Variants in RGPD3 observed in about 807,000 individuals in gnomAD.
The protein encoded by RGPD3 is ranBP2-like and GRIP domain-containing protein 3.
Under a neutral mutation model 154.5 loss-of-function variants are expected in RGPD3, and 62 were observed. The ratio of observed to expected loss-of-function variants is 0.40; its 90% CI spans 0.33 to 0.50. RGPD3 has a LOEUF of 0.50. RGPD3 is among the 20% of genes least tolerant of loss of function. The probability of loss-of-function intolerance (pLI) is 0.59; values close to 1 mark genes in which losing one functional copy is unlikely to be tolerated. For synonymous variants in RGPD3, 308 were observed against 607.0 expected (o/e 0.51, Z 7.24); for missense variants, 919 against 1,716.8 (o/e 0.54, Z 8.21).
At chr2:106,446,264 TAAAA>T (rs1239130246) in intron 7 of RGPD3, among the ~76,000 whole-genome samples, 1 of 73,406 alleles carries the variant, frequency 1.4e-5, no homozygotes, top group Non-Finnish European at 2.7e-5. Context: ...GCAGGCTCAT[TAAAA>T]AAAAAAAAAA....
In RGPD3 at chr2:106,468,267, C is replaced by T. The variant is rs753864926; in HGVS notation, c.22G>A (p.Gly8Arg). The change falls in exon 1 of 23, where the codon GGG becomes AGG. Residue 8 changes from glycine (G) to arginine (R), a missense_variant. By Grantham distance (125) the Gly-to-Arg change is moderately radical. Transcript: ENST00000409886. The stretch of plus-strand genomic sequence containing the variant: ...TGCACCGAGGCGACGTACCGCTCCC[C>T]GTAGGCCTTGCTGCAACTCATCGCG... MSCSKAY[G>R]ERYVASVQGS... 50 of 1,607,594 alleles carry T rather than the reference C, an allele frequency of 3.1e-5. No homozygotes were observed. Among genetic ancestry groups the T allele is most frequent in the East Asian group, 1.1e-4 (5 of 44,688 alleles).
At position 106,461,891 on chromosome 2, in the gene RGPD3, G is replaced by A. The variant is rs974535229; in HGVS notation, c.73-2559C>T. Among the ~76,000 whole-genome samples, 187 of 151,798 alleles carry A rather than the reference G, an allele frequency of 1.2e-3. 1 individual carries two copies. The highest frequency in any genetic ancestry group is 4.3e-3 in the African/African-American group (178 of 41,422). On this transcript the variant is annotated intron_variant, in intron 1 of 22. Transcript: ENST00000409886. ...TAATACACAACAGTCAGGACAGCACGTAAAAGAACAAGGCTTGTTCCCCCC... is the reference window on the plus strand; with the variant it reads ...TAATACACAACAGTCAGGACAGCACATAAAAGAACAAGGCTTGTTCCCCCC...
At chr2:106,414,893 GT>G (rs896840290) in intron 21 of RGPD3, among the ~76,000 whole-genome samples, 7 of 152,006 alleles carry the variant, frequency 4.6e-5, no homozygotes, top group Admixed American at 6.6e-5. Context: ...GGAAAAGCAT[GT>G]ACTTTTCAGA....
chr2:106,411,599 TG>T (rs1242336341), intron 22 of RGPD3, among the ~76,000 whole-genome samples: 1 of 150,184 alleles, frequency 6.7e-6, no homozygotes, highest in African/African-American at 2.4e-5. Context: ...GAGGCCAAGG[TG>T]GGCAGATCAG....
At chr2:106,449,774 T>G (rs1480195640) in intron 6 of RGPD3, among the ~76,000 whole-genome samples, 1 of 151,584 alleles carries the variant, frequency 6.6e-6, no homozygotes, top group Non-Finnish European at 1.5e-5. Flanking sequence ...TCCCAGCACT[T>G]TGGGAGGCCG....
At chr2:106,408,841 C>T (rs1392292945) in intron 22 of RGPD3, among the ~76,000 whole-genome samples, 1 of 151,464 alleles carries the variant, frequency 6.6e-6, no homozygotes, top group Non-Finnish European at 1.5e-5. Flanking sequence ...CACATGCCAC[C>T]AGAACGGGCA....
upstream of RGPD3, chr2:106,468,438 A>T: frequency 6.8e-7 from 1 of 1,466,898 alleles, no homozygotes; most frequent in Non-Finnish European, 9.2e-7. Flanking sequence ...CTGCGTCAAC[A>T]GTGTGTGGAA....
At chr2:106,411,624 T>C in intron 22 of RGPD3, among the ~76,000 whole-genome samples, 1 of 150,918 alleles carries the variant, frequency 6.6e-6, no homozygotes, top group East Asian at 2.0e-4. Flanking sequence ...ATCAGGAGAT[T>C]GAGACCATCC....
At position 106,468,247 on chromosome 2, in the gene RGPD3, C is replaced by G. The variant is rs756324622; in HGVS notation, c.42G>C (p.Ser14=). 3.0e-5 allele frequency: 49 copies of G among 1,607,968 alleles called. No individual in the cohort carries two copies. Among genetic ancestry groups the G allele is most frequent in the Admixed American group, 1.0e-4 (6 of 59,546 alleles). Residue 14 remains serine (S), a synonymous_variant, in exon 1 of 23, where the codon TCG becomes TCC. Transcript: ENST00000409886. ...GAGGCGACGGGGCGGAGCCCTGCAC[C>G]GAGGCGACGTACCGCTCCCCGTAGG... is the stretch of plus-strand genomic sequence containing the variant. ...SKAYGERYVA[S]VQGSAPSPRK... is the part of the protein sequence containing the mutation.
chr2:106,423,263 A>G lies in RGPD3; in HGVS notation c.4704T>C (p.Ser1568=), dbSNP rs2104455903. 6.2e-7 allele frequency: 1 copy of G among 1,611,994 alleles called. No individual in the cohort carries two copies. The change falls in exon 20 of 23, where the codon TCT becomes TCC. Residue 1568 remains serine (S), a synonymous_variant. Transcript: ENST00000409886. ...GTGCATTAAAACTAAATCCAAACAA[A>G]GACCCAGTGGCAGAACTGTTGCCAA... The part of the protein sequence containing the change: ...FAFGNSSATG[S]LFGFSFNAPL...
chr2:106,448,095 TTAAA>T (rs1335177734), intron 6 of RGPD3, among the ~76,000 whole-genome samples: 3 of 150,620 alleles, frequency 2.0e-5, no homozygotes, highest in Non-Finnish European at 3.0e-5. Context: ...CATTACAGCA[TTAAA>T]TAAATTGTCT....
intron 7 of RGPD3, among the ~76,000 whole-genome samples, chr2:106,446,359 A>T (rs1276956859): frequency 2.0e-5 from 3 of 151,876 alleles, no homozygotes; most frequent in Non-Finnish European, 4.4e-5. Flanking sequence ...CTAGGTCAGG[A>T]GATTGAGACC....
In RGPD3 at chr2:106,407,615, G is replaced by T. The variant is rs1400023139; in HGVS notation, c.5267-2386C>A. ...AATGAATGGTGTAAGCTGAATATAA[G>T]ATTTTTGACAAAATAAAAATTTTGC... On this transcript the variant is annotated intron_variant, in intron 22 of 22. Coordinates refer to ENST00000409886, the MANE Select transcript of RGPD3 (RefSeq NM_001144013.2). Among the ~76,000 whole-genome samples the T allele has an allele frequency of 1.6e-4, 25 of 152,106 alleles. No individual in the cohort carries two copies. In the East Asian group the frequency reaches 4.0e-3, roughly 24 times the overall value.
intron 4 of RGPD3, among the ~76,000 whole-genome samples, chr2:106,454,266 C>G (rs1678183255): frequency 7.2e-6 from 1 of 139,718 alleles, no homozygotes; most frequent in Non-Finnish European, 1.5e-5. Flanking sequence ...CCCCAACTCT[C>G]AAGACCAAGC....
chr2:106,465,564 T>TC (rs907941886), intron 1 of RGPD3, among the ~76,000 whole-genome samples: 2 of 149,968 alleles, frequency 1.3e-5, no homozygotes, highest in Non-Finnish European at 3.0e-5. Flanking sequence ...AGCTTGCTTT[T>TC]TTTTTTTTAA....
chr2:106,444,722 G>C (rs1342086049), intron 7 of RGPD3, among the ~76,000 whole-genome samples: 1 of 150,248 alleles, frequency 6.7e-6, no homozygotes, highest in Non-Finnish European at 1.5e-5. Context: ...GTACCGAGCT[G>C]AGGCTGAAGC....
At chr2:106,464,939 T>A (rs1282503578) in intron 1 of RGPD3, among the ~76,000 whole-genome samples, 1 of 146,368 alleles carries the variant, frequency 6.8e-6, no homozygotes, top group East Asian at 2.1e-4. Flanking sequence ...GTCAGGCTGG[T>A]CTCTCGGCCT....
At chr2:106,464,744 G>C (rs1678515322) in intron 1 of RGPD3, among the ~76,000 whole-genome samples, 1 of 151,886 alleles carries the variant, frequency 6.6e-6, no homozygotes, top group Non-Finnish European at 1.5e-5. Context: ...CTTTTTTGGA[G>C]ACAGAGTCTC....
At position 106,468,257 on chromosome 2, in the gene RGPD3, T is replaced by G; in HGVS notation, c.32A>C (p.Tyr11Ser). ...GGCGGAGCCCTGCACCGAGGCGACG[T>G]ACCGCTCCCCGTAGGCCTTGCTGCA... MSCSKAYGER[Y>S]VASVQGSAPS... The change falls in exon 1 of 23, where the codon TAC (tyrosine) becomes TCC (serine). Residue 11 changes from tyrosine (Y) to serine (S), a missense_variant. By Grantham distance (144) the Tyr-to-Ser change is moderately radical. Transcript: ENST00000409886. The G allele has an allele frequency of 6.2e-7, 1 of 1,608,202 alleles. No individual in the cohort carries two copies. Among genetic ancestry groups the G allele is most frequent in the Non-Finnish European group, 8.5e-7 (1 of 1,178,450 alleles).
Sources: allele counts gnomAD v4.1 joint callset (sites outside exome capture counted in the v4.1 genomes callset), GRCh38; gene constraint gnomAD v4.1.1; transcripts MANE v1.5; gene names NCBI Gene and HGNC (gene_info 2026-07-23, HGNC 2026-07-21).